The following LYRM7 variants were observed in gnomAD, a reference collection of about 807,000 sequenced individuals.
The protein encoded by LYRM7 is LYR motif containing 7.
LYRM7 carries 9 observed loss-of-function variants against 15.8 expected under a neutral mutation model. That is an observed-to-expected ratio of 0.57 (90% CI 0.34 to 0.99). The LOEUF (loss-of-function observed/expected upper bound fraction) is 0.99. Among genes scored for constraint, LYRM7 ranks in the 50% least tolerant of loss-of-function variants. The pLI is 0.02. For missense variants in LYRM7, 115 were observed against 119.1 expected, an observed-to-expected ratio of 0.97 and a Z score of 0.16; for synonymous variants, 39 against 39.4, an observed-to-expected ratio of 0.99 and a Z score of 0.04.
At chr5:131,199,289 A>G (rs145106673) in intron 4 of LYRM7, among the ~76,000 whole-genome samples, 6 of 152,318 alleles carry the variant, frequency 3.9e-5, no homozygotes, top group African/African-American at 1.4e-4. Flanking sequence ...GATTTGCTAT[A>G]TTTAATGATA....
intron 1 of LYRM7, among the ~76,000 whole-genome samples, chr5:131,177,194 T>G (rs1185124152): frequency 6.6e-6 from 1 of 152,228 alleles, no homozygotes; most frequent in African/African-American, 2.4e-5. Context: ...TCTACCAGTT[T>G]CATTTTTCCT....
In LYRM7 at chr5:131,201,204, C is replaced by G. The variant is rs901992126; in HGVS notation, c.*1603C>G. 1 of 151,074 alleles carries G rather than the reference C, an allele frequency of 6.6e-6. No individual in the cohort carries two copies. The highest frequency in any genetic ancestry group is 1.5e-5 in the Non-Finnish European group (1 of 68,006). 9.4% of individuals were successfully genotyped at this position (151,074 alleles called of 1,614,324 possible). On this transcript the variant is annotated 3_prime_UTR_variant, in exon 5 of 5. Transcript: ENST00000379380. Reference sequence around the variant, plus strand: ...TGGCGGGCGCCTGTAGTCCCAGCTACTCGGGAGGCTGAGGCAGGAAAATCA... The same window carrying G: ...TGGCGGGCGCCTGTAGTCCCAGCTAGTCGGGAGGCTGAGGCAGGAAAATCA...
At position 131,203,204 on chromosome 5, in the gene LYRM7, A is replaced by G. The variant is rs1756104959; in HGVS notation, c.*3603A>G. On this transcript the variant is annotated 3_prime_UTR_variant, in exon 5 of 5. Transcript: ENST00000379380. ...CAAAGTGGATACATGCAAAATTAATATAGTTTTACTGTATATCAGTTGTCA... is the reference window on the plus strand; with the variant it reads ...CAAAGTGGATACATGCAAAATTAATGTAGTTTTACTGTATATCAGTTGTCA... The G allele has an allele frequency of 6.6e-6, 1 of 152,366 alleles. No individual in the cohort carries two copies. 9.4% of individuals were successfully genotyped at this position (152,366 alleles called of 1,614,324 possible).
intron 4 of LYRM7, among the ~76,000 whole-genome samples, chr5:131,197,806 AAGTGCC>A (rs1209603167): frequency 6.7e-6 from 1 of 148,874 alleles, no homozygotes; most frequent in African/African-American, 2.5e-5. Flanking sequence ...CAGCTTCCCA[AAGTGCC>A]AGAATTACAG....
intron 4 of LYRM7, among the ~76,000 whole-genome samples, chr5:131,195,204 G>A (rs1165848159): frequency 6.6e-6 from 1 of 152,084 alleles, no homozygotes; most frequent in Admixed American, 6.6e-5. Flanking sequence ...GGAGGCAGAG[G>A]TTGCAGTGAG....
At chr5:131,196,648 A>G (rs147829149) in intron 4 of LYRM7, among the ~76,000 whole-genome samples, 3 of 151,946 alleles carry the variant, frequency 2.0e-5, no homozygotes, top group East Asian at 1.9e-4. Flanking sequence ...GCACTAGCCC[A>G]GAACTGCCTT....
intron 4 of LYRM7, among the ~76,000 whole-genome samples, chr5:131,190,489 CTT>C (rs75062670): frequency 7.1e-6 from 1 of 140,160 alleles, no homozygotes; most frequent in African/African-American, 2.6e-5. Flanking sequence ...CCACCGTGCC[CTT>C]TTTTTTTTTT....
At chr5:131,184,643 G>A (rs866879836) in intron 3 of LYRM7, among the ~76,000 whole-genome samples, 7 of 138,028 alleles carry the variant, frequency 5.1e-5, no homozygotes, top group Middle Eastern at 3.8e-3. Context: ...TTTTTGGCGG[G>A]GGGGGGGTTC....
rs1402256423 is a variant in LYRM7, at chr5:131,200,860, A to G, written c.*1259A>G. 6.6e-6 allele frequency: 1 copy of G among 152,018 alleles called. No homozygotes were observed. Among genetic ancestry groups the G allele is most frequent in the African/African-American group, 2.4e-5 (1 of 41,382 alleles). The allele number at this position is 152,018 out of a possible 1,614,324, so 9.4% of individuals were successfully genotyped here. On this transcript the variant is annotated 3_prime_UTR_variant, in exon 5 of 5. Transcript: ENST00000379380. ...ATTCTATATTTTAGTGTTATTGAAT[A>G]TTTTATCACTGAGCTTTTTTCTTTA...
rs548254032 is a variant in LYRM7 at position 131,195,191 on chromosome 5, A to G, written c.245-4340A>G. Among the ~76,000 whole-genome samples, 3 of 152,020 alleles carry G rather than the reference A, an allele frequency of 2.0e-5. No homozygotes were observed. The East Asian group carries it at 5.8e-4, about 29-fold the overall frequency. On this transcript the variant is annotated intron_variant, in intron 4 of 4. Coordinates refer to ENST00000379380, the MANE Select transcript of LYRM7 (RefSeq NM_181705.4). Reference sequence around the variant, plus strand: ...GCTGAGGCAGGAGAATTGCTTGAACATGGGAGGCAGAGGTTGCAGTGAGCC... The same window carrying G: ...GCTGAGGCAGGAGAATTGCTTGAACGTGGGAGGCAGAGGTTGCAGTGAGCC...
intron 3 of LYRM7, among the ~76,000 whole-genome samples, chr5:131,182,504 A>G (rs1048315384): frequency 1.3e-5 from 2 of 152,178 alleles, no homozygotes; most frequent in African/African-American, 4.8e-5. Context: ...TACCCCATCA[A>G]CAGAACATGG....
At chr5:131,182,634 A>G (rs1428929441) in intron 3 of LYRM7, among the ~76,000 whole-genome samples, 1 of 152,232 alleles carries the variant, frequency 6.6e-6, no homozygotes, top group Non-Finnish European at 1.5e-5. Flanking sequence ...ACTCAGAACT[A>G]CAGAGGAAAC....
At chr5:131,198,260 A>G (rs927228610) in intron 4 of LYRM7, among the ~76,000 whole-genome samples, 4 of 152,176 alleles carry the variant, frequency 2.6e-5, no homozygotes, top group Non-Finnish European at 4.4e-5. Context: ...TATTGATGCA[A>G]TGCTATCATT....
At chr5:131,188,410 A>G (rs376353916) in intron 4 of LYRM7, among the ~76,000 whole-genome samples, 23 of 61,800 alleles carry the variant, frequency 3.7e-4, no homozygotes, top group Non-Finnish European at 3.4e-4. Context: ...AGCCACATGT[A>G]AAAAAAAAAA....
At chr5:131,189,444 CAAAAAAAAAA>C (rs71000976) in intron 4 of LYRM7, among the ~76,000 whole-genome samples, 5 of 46,180 alleles carry the variant, frequency 1.1e-4, no homozygotes, top group African/African-American at 1.6e-4. Context: ...CTCCGTCTCC[CAAAAAAAAAA>C]AAAAAAAAAA....
chr5:131,181,316 T>TATATATATATACAC (rs1208669077), intron 2 of LYRM7, among the ~76,000 whole-genome samples: 11 of 27,632 alleles, frequency 4.0e-4, no homozygotes, highest in South Asian at 1.7e-3. Flanking sequence ...TATATATATA[T>TATATATATATACAC]ACACACACAC....
At position 131,200,351 on chromosome 5, in the gene LYRM7, C is replaced by A. The variant is rs4706009; in HGVS notation, c.*750C>A. 0.17 allele frequency: 26,357 copies of A among 152,188 alleles called. 2,609 individuals are homozygous for A. Among genetic ancestry groups the A allele is most frequent in the African/African-American group, 0.27 (11,198 of 41,428 alleles). 9.4% of individuals were successfully genotyped at this position (152,188 alleles called of 1,614,324 possible). On this transcript the variant is annotated 3_prime_UTR_variant, in exon 5 of 5. Transcript: ENST00000379380. ...GTTAGACTTTAGTGTGAAATGTAAT[C>A]GGTGGCTACATTCTCATCGTTTTAA...
chr5:131,181,509 A>G (rs1755713983), intron 2 of LYRM7, among the ~76,000 whole-genome samples: 2 of 142,746 alleles, frequency 1.4e-5, no homozygotes, highest in South Asian at 4.3e-4. Flanking sequence ...CACACACAAC[A>G]TAGAAGGAAG....
chr5:131,193,406 C>T (rs1442090246), intron 4 of LYRM7, among the ~76,000 whole-genome samples: 3 of 152,208 alleles, frequency 2.0e-5, no homozygotes, highest in Non-Finnish European at 4.4e-5. Flanking sequence ...TGCTGAGACA[C>T]ATAAGCAGAG....
Sources: allele counts gnomAD v4.1 joint callset (sites outside exome capture counted in the v4.1 genomes callset), GRCh38; gene constraint gnomAD v4.1.1; transcripts MANE v1.5; gene names NCBI Gene and HGNC (gene_info 2026-07-23, HGNC 2026-07-21).